The following TMEM127 variants were observed in gnomAD, a reference collection of about 807,000 sequenced individuals.
TMEM127 encodes the protein transmembrane protein 127.
In TMEM127, 21 loss-of-function variants were observed where a neutral mutation model predicts 20.1. The ratio of observed to expected loss-of-function variants is 1.04; its 90% CI spans 0.74 to 1.50. The LOEUF is 1.50. TMEM127 is among the 40% of genes most tolerant of loss of function. The pLI, the probability that TMEM127 is intolerant of heterozygous loss-of-function variation, is 0.00. For synonymous variants in TMEM127, 150 were observed against 144.7 expected (o/e 1.04, Z -0.26); for missense variants, 303 against 317.4 (o/e 0.95, Z 0.34).
In TMEM127 at chr2:96,265,469, G is replaced by A. The variant is rs1039978649; in HGVS notation, c.-88C>T. The A allele has an allele frequency of 1.6e-6, 2 of 1,276,384 alleles. No homozygotes were observed. The highest frequency in any genetic ancestry group is 3.2e-5 in the East Asian group (1 of 31,120). 79.1% of individuals were successfully genotyped at this position (1,276,384 alleles called of 1,614,324 possible). A position where few individuals can be genotyped will look rare whatever the true frequency, so the allele number is the denominator to read the frequency against. ...CGCAGAGCCTGACAGTCCGGTGGAG[G>A]ATAGCAACGCTCCGGGTTCGCTGCA... On this transcript the variant is annotated 5_prime_UTR_variant, in exon 2 of 4. Coordinates refer to ENST00000258439, the MANE Select transcript of TMEM127 (RefSeq NM_017849.4).
chr2:96,249,662 C>T lies in TMEM127; in HGVS notation c.*4146G>A, dbSNP rs931527540. On this transcript the variant is annotated 3_prime_UTR_variant, in exon 4 of 4. Transcript: ENST00000258439. ...GCCTCCCATTAAAATGTCACTCCCC[C>T]CAAAAAATGCAGAGGAAGAGGTAAG... is the stretch of plus-strand genomic sequence containing the variant. 9 of 232,906 alleles carry T rather than the reference C, an allele frequency of 3.9e-5. No homozygotes were observed. Among genetic ancestry groups the T allele is most frequent in the Non-Finnish European group, 6.8e-5 (8 of 117,870 alleles). 14.4% of individuals were successfully genotyped at this position (232,906 alleles called of 1,614,324 possible).
chr2:96,259,121 C>A (rs1051082620), intron 2 of TMEM127, among the ~76,000 whole-genome samples: 6 of 152,250 alleles, frequency 3.9e-5, no homozygotes, highest in Non-Finnish European at 7.3e-5. Flanking sequence ...GGACATCCCT[C>A]CCCTTGCGGA....
At chr2:96,265,543 G>T (rs1004563950) in intron 1 of TMEM127, 31 bp from the exon 2 acceptor site, 1 of 960,656 alleles carries the variant, frequency 1.0e-6, no homozygotes, top group Non-Finnish European at 1.4e-6. Context: ...GGATAGGGGG[G>T]TGGGACCCGG....
rs943355879 is a variant in TMEM127 at position 96,253,357 on chromosome 2, G to C, written c.*451C>G. On this transcript the variant is annotated 3_prime_UTR_variant, in exon 4 of 4. Transcript: ENST00000258439. The surrounding 1 kb of genome is among the most constrained non-coding windows in gnomAD (Gnocchi z 4.3). ...CTCCGAGAAGGAAGGGGTCTGGGGG[G>C]CGTCAGCCCAGAGCTACAGCTGTGG... The C allele has an allele frequency of 3.6e-5, 9 of 246,768 alleles. No individual in the cohort carries two copies. The highest frequency in any genetic ancestry group is 1.8e-4 in the African/African-American group (8 of 45,542). The allele number at this position is 246,768 out of a possible 1,614,324, so 15.3% of individuals were successfully genotyped here. A position where few individuals can be genotyped will look rare whatever the true frequency, so the allele number is the denominator to read the frequency against.
rs1176614665 is a variant in TMEM127 at position 96,253,501 on chromosome 2, C to T, written c.*307G>A. On this transcript the variant is annotated 3_prime_UTR_variant, in exon 4 of 4. Transcript: ENST00000258439. The surrounding 1 kb of genome is among the most constrained non-coding windows in gnomAD (Gnocchi z 4.3). Reference sequence around the variant, plus strand: ...GCAGCTCTCCAAGGAAAGTCTCGGTCCCAAAGATATCGCCCATGCTGGAGG... The same window carrying T: ...GCAGCTCTCCAAGGAAAGTCTCGGTTCCAAAGATATCGCCCATGCTGGAGG... 1 of 435,054 alleles carries T rather than the reference C, an allele frequency of 2.3e-6. No individual in the cohort carries two copies. The highest frequency in any genetic ancestry group is 4.2e-6 in the Non-Finnish European group (1 of 240,294). The allele number at this position is 435,054 out of a possible 1,614,324, so 26.9% of individuals were successfully genotyped here. A position where few individuals can be genotyped will look rare whatever the true frequency, so the allele number is the denominator to read the frequency against.
At chr2:96,264,669 G>A (rs571013105) in intron 2 of TMEM127, among the ~76,000 whole-genome samples, 1 of 152,308 alleles carries the variant, frequency 6.6e-6, no homozygotes, top group South Asian at 2.1e-4. Flanking sequence ...ACGGTCTTCC[G>A]ATTACCTAAA....
chr2:96,257,075 G>T (rs911410713), intron 2 of TMEM127, among the ~76,000 whole-genome samples: 3 of 152,242 alleles, frequency 2.0e-5, no homozygotes, highest in African/African-American at 7.2e-5. Flanking sequence ...GGGTCATGGT[G>T]CAGGGAGAGC....
At chr2:96,255,539 T>A (rs1355092182) in intron 2 of TMEM127, among the ~76,000 whole-genome samples, 1 of 152,224 alleles carries the variant, frequency 6.6e-6, no homozygotes, top group Non-Finnish European at 1.5e-5. Context: ...TCATATGAGA[T>A]ACCTAGAATA....
rs1336093099 is a variant in TMEM127 at position 96,250,807 on chromosome 2, C to T, written c.*3001G>A. 8.6e-6 allele frequency: 2 copies of T among 232,530 alleles called. No individual in the cohort carries two copies. The highest frequency in any genetic ancestry group is 6.0e-5 in the East Asian group (1 of 16,530). 14.4% of individuals were successfully genotyped at this position (232,530 alleles called of 1,614,324 possible). Reference sequence around the variant, plus strand: ...CCCAGAACTGTCTCTATCCCCATGCCTCTCCTAGTAAGATTCATTACCTAT... The same window carrying T: ...CCCAGAACTGTCTCTATCCCCATGCTTCTCCTAGTAAGATTCATTACCTAT... On this transcript the variant is annotated 3_prime_UTR_variant, in exon 4 of 4. Transcript: ENST00000258439.
At chr2:96,260,265 CT>C (rs2104298434) in intron 2 of TMEM127, among the ~76,000 whole-genome samples, 1 of 152,376 alleles carries the variant, frequency 6.6e-6, no homozygotes, top group South Asian at 2.1e-4. Context: ...AGAGACTCTT[CT>C]GGAGTCAGTA....
Position 96,253,723 on chromosome 2 carries a change from T to G in TMEM127, c.*85A>C. On this transcript the variant is annotated 3_prime_UTR_variant, in exon 4 of 4. Coordinates refer to ENST00000258439, the MANE Select transcript of TMEM127 (RefSeq NM_017849.4). The surrounding 1 kb of genome is among the most constrained non-coding windows in gnomAD (Gnocchi z 4.3). ...TGGTCAGGATCCTACCAGTGAGGCCTGCTGGGGAAAGGAGCTCCTCTGGGT... is the reference window on the plus strand; with the variant it reads ...TGGTCAGGATCCTACCAGTGAGGCCGGCTGGGGAAAGGAGCTCCTCTGGGT... 6.8e-7 allele frequency: 1 copy of G among 1,465,544 alleles called. No individual in the cohort carries two copies. The highest frequency in any genetic ancestry group is 2.3e-4 in the Middle Eastern group (1 of 4,364). The allele number at this position is 1,465,544 out of a possible 1,614,324, so 90.8% of individuals were successfully genotyped here.
chr2:96,260,775 G>C (rs1483343029), intron 2 of TMEM127, among the ~76,000 whole-genome samples: 3 of 152,146 alleles, frequency 2.0e-5, no homozygotes, highest in African/African-American at 4.8e-5. Flanking sequence ...CTCTGAATTA[G>C]AGACACTTCC....
intron 2 of TMEM127, among the ~76,000 whole-genome samples, chr2:96,259,239 AC>A (rs1337888398): frequency 1.3e-5 from 2 of 152,222 alleles, no homozygotes; most frequent in Non-Finnish European, 2.9e-5. Context: ...TGGGGGATTT[AC>A]CACACAGCTC....
rs1573977765 is a variant in TMEM127 at position 96,265,230 on chromosome 2, G to A, written c.152C>T (p.Pro51Leu). The A allele has an allele frequency of 1.2e-6, 2 of 1,601,188 alleles. No individual in the cohort carries two copies. Among genetic ancestry groups the A allele is most frequent in the Non-Finnish European group, 1.7e-6 (2 of 1,176,798 alleles). ...GCCTCCGTGGATGTGCAACCAGGCG[G>A]GCTCGGCGAGGGCAGTGCACAGCGC... Reference protein sequence around the residue: ...ITALCTALAEPAWLHIHGGTC... With the variant: ...ITALCTALAELAWLHIHGGTC... Residue 51 changes from proline to leucine, a missense_variant, in exon 2 of 4, where the codon CCC (proline) becomes CTC (leucine). Pro to Leu is a moderately conservative substitution (Grantham distance 98). Transcript: ENST00000258439.
In TMEM127 at chr2:96,265,165, C is replaced by G. The variant is rs121908820; in HGVS notation, c.217G>C (p.Gly73Arg). The change falls in exon 2 of 4, where the codon GGC (glycine) becomes CGC (arginine). Residue 73 changes from glycine (G) to arginine (R), a missense_variant. Transcript: ENST00000258439. Reference sequence around the variant, plus strand: ...TTCAGCAGGTCCGGGTGCACATAGCCCAACACGTCGGAGACCCCCAGCTCC... The same window carrying G: ...TTCAGCAGGTCCGGGTGCACATAGCGCAACACGTCGGAGACCCCCAGCTCC... ...RQELGVSDVLGYVHPDLLKDF... is the reference protein window; with the variant it reads ...RQELGVSDVLRYVHPDLLKDF... 139 of 1,611,434 alleles carry G rather than the reference C, an allele frequency of 8.6e-5. No homozygotes were observed. Among genetic ancestry groups the G allele is most frequent in the Non-Finnish European group, 1.1e-4 (134 of 1,179,584 alleles).
Position 96,252,712 on chromosome 2 carries a change from C to T in TMEM127, c.*1096G>A. 1 of 233,842 alleles carries T rather than the reference C, an allele frequency of 4.3e-6. No homozygotes were observed. Among genetic ancestry groups the T allele is most frequent in the Non-Finnish European group, 8.5e-6 (1 of 118,174 alleles). The allele number at this position is 233,842 out of a possible 1,614,324, so 14.5% of individuals were successfully genotyped here. Reference sequence around the variant, plus strand: ...TATGTGGAGGGTGGTGGGTTCCTGCCCTGTTGTGGCCCCTGTTCCTAAACT... The same window carrying T: ...TATGTGGAGGGTGGTGGGTTCCTGCTCTGTTGTGGCCCCTGTTCCTAAACT... On this transcript the variant is annotated 3_prime_UTR_variant, in exon 4 of 4. Transcript: ENST00000258439. This position sits in a 1 kb window ranked among gnomAD's most constrained non-coding sequence, Gnocchi z 4.2.
intron 2 of TMEM127, among the ~76,000 whole-genome samples, chr2:96,264,809 G>A (rs1684380157): frequency 6.6e-6 from 1 of 152,092 alleles, no homozygotes. Context: ...AAGCTTTTCC[G>A]TATTTCACAG....
intron 2 of TMEM127, among the ~76,000 whole-genome samples, chr2:96,256,375 A>C (rs148359541): frequency 0.016 from 2,397 of 151,946 alleles, 111 homozygotes; most frequent in East Asian, 0.12. Context: ...AGTTTGAGAC[A>C]AGCCTGACCA....
At chr2:96,256,049 G>C (rs1684195380) in intron 2 of TMEM127, among the ~76,000 whole-genome samples, 1 of 149,890 alleles carries the variant, frequency 6.7e-6, no homozygotes, top group Non-Finnish European at 1.5e-5. Context: ...GAGGCGGGCA[G>C]ATCACGAGGT....
Sources: gnomAD v4.1 joint callset for allele counts (sites outside exome capture counted in the v4.1 genomes callset) on GRCh38, gnomAD v4.1.1 for gene constraint, Gnocchi (gnomAD v3.1) non-coding constraint, MANE v1.5 for transcripts, NCBI Gene and HGNC (gene_info 2026-07-23, HGNC 2026-07-21) for gene names.